MLLT10: variants seen among roughly 807,000 people sequenced by gnomAD.
MLLT10 encodes the protein protein AF-10.
Under a neutral mutation model 129.1 loss-of-function variants are expected in MLLT10, and 30 were observed. The ratio of observed to expected loss-of-function variants is 0.23; its 90% CI spans 0.17 to 0.32. The LOEUF (loss-of-function observed/expected upper bound fraction) is 0.32, where lower values mean the gene tolerates loss of function less well. Among genes scored for constraint, MLLT10 ranks in the 10% least tolerant of loss-of-function variants. The pLI is 1.00. For missense variants in MLLT10, 1,119 were observed against 1,268.3 expected, an observed-to-expected ratio of 0.88 and a Z score of 1.79; for synonymous variants, 490 against 446.4, an observed-to-expected ratio of 1.10 and a Z score of -1.23.
At chr10:21,735,520 G>T (rs551952056) in intron 21 of MLLT10, among the ~76,000 whole-genome samples, 1 of 152,248 alleles carries the variant, frequency 6.6e-6, no homozygotes, top group East Asian at 1.9e-4. Flanking sequence ...ACGGGAGATG[G>T]ATGGACACGA....
Position 21,726,264 on chromosome 10 carries a change from T to G in MLLT10, c.1899T>G (p.Ser633=). Residue 633 remains serine, a synonymous_variant, in exon 15 of 23, where the codon TCT becomes TCG. Coordinates refer to ENST00000307729, the MANE Select transcript of MLLT10 (RefSeq NM_001195626.3). ...ATTQANTLSG[S]SLSQAPSHMY... The stretch of plus-strand genomic sequence containing the variant: ...TTTAGGCAAATACTCTATCTGGATC[T>G]TCTCTCAGTCAGGCACCATCTCATA... 1 of 1,610,830 alleles carries G rather than the reference T, an allele frequency of 6.2e-7. No homozygotes were observed. Among genetic ancestry groups the G allele is most frequent in the Non-Finnish European group, 8.5e-7 (1 of 1,177,616 alleles).
chr10:21,656,615 C>G (rs1418825057), intron 9 of MLLT10, among the ~76,000 whole-genome samples: 2 of 151,990 alleles, frequency 1.3e-5, no homozygotes, highest in African/African-American at 2.4e-5. Flanking sequence ...AACCTTTAAC[C>G]CTTTTGCATA....
intron 13 of MLLT10, among the ~76,000 whole-genome samples, chr10:21,688,036 G>A (rs1050678403): frequency 1.3e-5 from 2 of 152,180 alleles, no homozygotes; most frequent in Non-Finnish European, 2.9e-5. Flanking sequence ...AGGCTTCAAA[G>A]ACTCTTAAGG....
intron 8 of MLLT10, among the ~76,000 whole-genome samples, chr10:21,621,728 G>A (rs951222353): frequency 7.2e-5 from 11 of 152,002 alleles, no homozygotes; most frequent in African/African-American, 2.7e-4. Flanking sequence ...GCGTAAAGGA[G>A]AGACGAGGGG....
intron 3 of MLLT10, among the ~76,000 whole-genome samples, chr10:21,545,069 T>C (rs1588829801): frequency 6.6e-6 from 1 of 152,202 alleles, no homozygotes; most frequent in East Asian, 1.9e-4. Flanking sequence ...TGCTTGAACC[T>C]GGGAGATGGA....
At chr10:21,655,293 T>TAG (rs2131333008) in intron 9 of MLLT10, among the ~76,000 whole-genome samples, 1 of 152,192 alleles carries the variant, frequency 6.6e-6, no homozygotes, top group Admixed American at 6.5e-5. Flanking sequence ...GGTACTAAGG[T>TAG]AGTGGTTGGC....
At chr10:21,662,010 CT>C (rs35018796) in intron 9 of MLLT10, among the ~76,000 whole-genome samples, 3 of 151,298 alleles carry the variant, frequency 2.0e-5, no homozygotes, top group Non-Finnish European at 4.4e-5. Context: ...ATTTTCTTGT[CT>C]TTTTTTTCAC....
At chr10:21,713,049 T>C (rs2131513662) in intron 13 of MLLT10, among the ~76,000 whole-genome samples, 1 of 152,294 alleles carries the variant, frequency 6.6e-6, no homozygotes, top group Non-Finnish European at 1.5e-5. Context: ...CTCAAAGTGT[T>C]TTCATCAAGT....
intron 3 of MLLT10, among the ~76,000 whole-genome samples, chr10:21,581,914 T>A (rs1240078092): frequency 1.3e-5 from 2 of 152,156 alleles, no homozygotes; most frequent in Non-Finnish European, 2.9e-5. Flanking sequence ...ATTGTACACT[T>A]AATGTACACT....
intron 13 of MLLT10, among the ~76,000 whole-genome samples, chr10:21,697,946 A>C (rs2054530472): frequency 6.6e-6 from 1 of 152,166 alleles, no homozygotes; most frequent in Admixed American, 6.5e-5. Context: ...CTACATAATA[A>C]TTTACCTATT....
intron 9 of MLLT10, among the ~76,000 whole-genome samples, chr10:21,662,286 G>A (rs996584042): frequency 2.6e-5 from 4 of 152,092 alleles, no homozygotes; most frequent in Non-Finnish European, 5.9e-5. Flanking sequence ...GTTTTTGGAC[G>A]TTATGATTTC....
At chr10:21,730,443 T>G (rs886067431) in intron 16 of MLLT10, among the ~76,000 whole-genome samples, 2 of 152,160 alleles carry the variant, frequency 1.3e-5, no homozygotes, top group African/African-American at 4.8e-5. Context: ...ACATTTGAGA[T>G]TTTAGTTGGT....
At chr10:21,627,015 T>A (rs896923849) in intron 8 of MLLT10, among the ~76,000 whole-genome samples, 21 of 152,228 alleles carry the variant, frequency 1.4e-4, no homozygotes, top group African/African-American at 4.8e-4. Flanking sequence ...TCCTTGGGCA[T>A]TGAGCCAGGC....
chr10:21,548,913 G>T (rs1486358579), intron 3 of MLLT10, among the ~76,000 whole-genome samples: 1 of 151,912 alleles, frequency 6.6e-6, no homozygotes, highest in Non-Finnish European at 1.5e-5. Flanking sequence ...GGAATTCTTT[G>T]TTAACTCTGG....
At chr10:21,717,927 TC>T (rs1564712714) in intron 14 of MLLT10, among the ~76,000 whole-genome samples, 2 of 128,744 alleles carry the variant, frequency 1.6e-5, no homozygotes, top group African/African-American at 6.3e-5. Flanking sequence ...TTCTCCTTCT[TC>T]TTCTCCTTCT....
At chr10:21,696,354 T>C (rs530320840) in intron 13 of MLLT10, among the ~76,000 whole-genome samples, 2 of 152,108 alleles carry the variant, frequency 1.3e-5, no homozygotes, top group Non-Finnish European at 2.9e-5. Context: ...CCTGAGAACA[T>C]GTGCCCTCAT....
At chr10:21,626,178 A>G in intron 8 of MLLT10, 2 of 1,607,386 alleles carry the variant, frequency 1.2e-6, no homozygotes, top group South Asian at 2.2e-5. Flanking sequence ...TGAACATGTG[A>G]TAAGTCACTT....
At chr10:21,729,287 C>G (rs1043367644) in intron 16 of MLLT10, among the ~76,000 whole-genome samples, 1 of 152,128 alleles carries the variant, frequency 6.6e-6, no homozygotes, top group African/African-American at 2.4e-5. Flanking sequence ...TAAAATATTA[C>G]AAGCTACCGA....
rs192780938 is a variant in MLLT10, at chr10:21,673,593, G to T, written c.1295G>T (p.Ser432Ile). The T allele has an allele frequency of 6.2e-7, 1 of 1,613,324 alleles. No individual in the cohort carries two copies. The highest frequency in any genetic ancestry group is 1.3e-5 in the African/African-American group (1 of 74,912). The change falls in exon 11 of 23, where the codon AGC becomes ATC. Residue 432 changes from serine to isoleucine, a missense_variant. Around this residue, in one of 5 missense-constraint regions of MLLT10, gnomAD observed 1,004 missense variants for 1,008.7 expected, o/e 1.00. Coordinates refer to ENST00000307729, the MANE Select transcript of MLLT10 (RefSeq NM_001195626.3). ...TCAGCTGTTACTTCACAGCCTAAAAGCTTTGAAAATTCACCTGGAGATTTG... is the reference window on the plus strand; with the variant it reads ...TCAGCTGTTACTTCACAGCCTAAAATCTTTGAAAATTCACCTGGAGATTTG... Reference protein sequence around the residue: ...STSAVTSQPKSFENSPGDLGN... With the variant: ...STSAVTSQPKIFENSPGDLGN...
Sources: gnomAD v4.1 joint callset for allele counts (sites outside exome capture counted in the v4.1 genomes callset) on GRCh38, gnomAD v4.1.1 for gene constraint, gnomAD v4.1.1 regional missense constraint, MANE v1.5 for transcripts, NCBI Gene and HGNC (gene_info 2026-07-23, HGNC 2026-07-21) for gene names.